ZFAT: variants seen among roughly 807,000 people sequenced by gnomAD.
The protein encoded by ZFAT is zinc finger protein ZFAT.
ZFAT carries 64 observed loss-of-function variants against 117.7 expected under a neutral mutation model. That is an observed-to-expected ratio of 0.54 (90% CI 0.44 to 0.67). The LOEUF is 0.67. Ranked by LOEUF, ZFAT falls within the 30% of genes least tolerant of loss-of-function variation. The pLI is 0.00. For synonymous variants in ZFAT, 679 were observed against 615.0 expected, an observed-to-expected ratio of 1.10 and a Z score of -1.54; for missense variants, 1,433 against 1,584.5, an observed-to-expected ratio of 0.90 and a Z score of 1.62.
intron 15 of ZFAT, among the ~76,000 whole-genome samples, chr8:134,484,559 G>A (rs949240908): frequency 6.6e-6 from 1 of 152,158 alleles, no homozygotes; most frequent in African/African-American, 2.4e-5. Context: ...TCTATGGAAG[G>A]GAAGTCAAGG....
chr8:134,810,832 C>T, the ZFAT span, among the ~76,000 whole-genome samples: 2 of 152,122 alleles, frequency 1.3e-5, no homozygotes, highest in Admixed American at 1.3e-4. Flanking sequence ...TGAAAACCTT[C>T]CCCCTGAAAG....
intron 7 of ZFAT, among the ~76,000 whole-genome samples, chr8:134,590,719 TACCACCACCACCAAC>T (rs889042176): frequency 5.8e-5 from 4 of 69,210 alleles, no homozygotes; most frequent in Non-Finnish European, 8.9e-5. Context: ...CCATCACCAT[TACCACCACCACCAAC>T]ACCACCACCA....
the ZFAT span, among the ~76,000 whole-genome samples, chr8:134,803,777 C>T: frequency 6.6e-6 from 1 of 152,146 alleles, no homozygotes; most frequent in Non-Finnish European, 1.5e-5. Context: ...GCTTTACTTG[C>T]TGTTTATAAC....
intron 5 of ZFAT, among the ~76,000 whole-genome samples, chr8:134,607,886 C>T (rs1200640885): frequency 6.6e-6 from 1 of 152,160 alleles, no homozygotes; most frequent in Non-Finnish European, 1.5e-5. Flanking sequence ...TCAACTGATC[C>T]AGTGTATCTG....
chr8:134,733,217 A>T, the ZFAT span, among the ~76,000 whole-genome samples: 2 of 152,212 alleles, frequency 1.3e-5, no homozygotes, highest in African/African-American at 2.4e-5. Flanking sequence ...GTCTGGGAAC[A>T]TAGGGCCAAT....
chr8:134,584,026 A>C (rs1388320953), intron 9 of ZFAT, 21 bp from the exon 10 acceptor site: 1 of 1,547,340 alleles, frequency 6.5e-7, no homozygotes, highest in East Asian at 2.4e-5. Flanking sequence ...AAAAATGTAT[A>C]TATCTCTATA....
chr8:134,511,292 C>T (rs1033378378), intron 14 of ZFAT, among the ~76,000 whole-genome samples: 1 of 152,028 alleles, frequency 6.6e-6, no homozygotes, highest in Non-Finnish European at 1.5e-5. Context: ...GACAGACAGG[C>T]TGCATCTTGT....
chr8:134,550,316 A>AAAAAAAC (rs1563836960), intron 11 of ZFAT, among the ~76,000 whole-genome samples: 1 of 147,368 alleles, frequency 6.8e-6, no homozygotes, highest in Non-Finnish European at 1.5e-5. Flanking sequence ...AACGGAAAAA[A>AAAAAAAC]AAAAAAAAAA....
At chr8:134,826,681 CAT>C in the ZFAT span, among the ~76,000 whole-genome samples, 1 of 152,182 alleles carries the variant, frequency 6.6e-6, no homozygotes, top group East Asian at 1.9e-4. Context: ...TTAAATTATA[CAT>C]ACTGTGCTTA....
At chr8:134,738,280 C>T in the ZFAT span, among the ~76,000 whole-genome samples, 2 of 152,116 alleles carry the variant, frequency 1.3e-5, no homozygotes, top group African/African-American at 4.8e-5. Flanking sequence ...GGGTTGAAAT[C>T]AGGCAGCCCT....
At chr8:134,785,949 A>C in the ZFAT span, 11 of 152,174 alleles carry the variant, frequency 7.2e-5, no homozygotes, top group Admixed American at 2.6e-4. Context: ...ATACTGCTCC[A>C]TTCATTTTAG....
the ZFAT span, among the ~76,000 whole-genome samples, chr8:134,811,487 A>G: frequency 6.6e-6 from 1 of 152,214 alleles, no homozygotes; most frequent in Non-Finnish European, 1.5e-5. Flanking sequence ...CCCAGGTCAG[A>G]AAAAACAAGT....
Position 134,610,594 on chromosome 8 carries a change from C to A in ZFAT, c.510G>T (p.Ser170=), listed in dbSNP as rs770442363. 4 of 1,614,194 alleles carry A rather than the reference C, an allele frequency of 2.5e-6. No individual in the cohort carries two copies. The Admixed American group carries it at 6.7e-5, about 27-fold the overall frequency. Residue 170 remains serine, a synonymous_variant, in exon 4 of 16, where the codon TCG becomes TCT. Transcript: ENST00000377838. The part of the protein sequence containing the change: ...KCKEDDREKA[S]KRPRSQKTEK... ...CTGTTTTCTGTGACCGTGGTCTTTT[C>A]GAGGCTTTTTCCCGATCATCTTCCT... is the stretch of plus-strand genomic sequence containing the variant.
chr8:134,699,211 C>G (rs1427947805), intron 1 of ZFAT, among the ~76,000 whole-genome samples: 3 of 152,126 alleles, frequency 2.0e-5, no homozygotes, highest in African/African-American at 7.2e-5. Flanking sequence ...CAAGGGCAAA[C>G]AGCAAACTCT....
At chr8:134,559,394 C>A (rs1329438479) in intron 11 of ZFAT, among the ~76,000 whole-genome samples, 2 of 152,210 alleles carry the variant, frequency 1.3e-5, no homozygotes, top group South Asian at 2.1e-4. Flanking sequence ...ATCCCATATT[C>A]TTTCCTGTAG....
chr8:134,508,023 T>C (rs897294453), intron 15 of ZFAT, among the ~76,000 whole-genome samples: 1 of 152,182 alleles, frequency 6.6e-6, no homozygotes, highest in African/African-American at 2.4e-5. Context: ...GTATGAATCT[T>C]TTCTCAGCCA....
the ZFAT span, among the ~76,000 whole-genome samples, chr8:134,743,963 G>A: frequency 6.6e-6 from 1 of 152,214 alleles, no homozygotes; most frequent in Non-Finnish European, 1.5e-5. Context: ...GACAAGGACA[G>A]GCCAAACAGG....
the ZFAT span, among the ~76,000 whole-genome samples, chr8:134,791,751 C>T: frequency 0.013 from 1,938 of 152,204 alleles, 25 homozygotes; most frequent in Middle Eastern, 0.034. Context: ...TGCTCAGTGA[C>T]AATATGCCCA....
At chr8:134,639,184 G>A (rs1205110566) in intron 2 of ZFAT, among the ~76,000 whole-genome samples, 1 of 152,198 alleles carries the variant, frequency 6.6e-6, no homozygotes, top group African/African-American at 2.4e-5. Context: ...ACAGTCTGGG[G>A]CAGAGTCTGC....
Sources: allele counts gnomAD v4.1 joint callset (sites outside exome capture counted in the v4.1 genomes callset), GRCh38; gene constraint gnomAD v4.1.1; transcripts MANE v1.5; gene names NCBI Gene and HGNC (gene_info 2026-07-23, HGNC 2026-07-21).